The following SAMD12 variants were observed in gnomAD, a reference collection of about 807,000 sequenced individuals.
The protein encoded by SAMD12 is sterile alpha motif domain containing 12, also known as sterile alpha motif domain-containing protein 12.
In SAMD12, 9 loss-of-function variants were observed where a neutral mutation model predicts 15.0. The ratio of observed to expected loss-of-function variants is 0.60; its 90% CI spans 0.36 to 1.05. The LOEUF is 1.05. Among genes scored for constraint, SAMD12 ranks in the 50% least tolerant of loss-of-function variants. The probability of loss-of-function intolerance (pLI) is 0.01; values close to 1 mark genes in which losing one functional copy is unlikely to be tolerated. For missense variants in SAMD12, 230 were observed against 234.2 expected (o/e 0.98, Z 0.12); for synonymous variants, 86 against 90.1 (o/e 0.96, Z 0.25).
chr8:118,537,560 A>G (rs2131140448), intron 2 of SAMD12, among the ~76,000 whole-genome samples: 1 of 152,306 alleles, frequency 6.6e-6, no homozygotes, highest in African/African-American at 2.4e-5. Context: ...TCTGCTGTTA[A>G]GGGACACTGA....
chr8:118,536,529 T>A (rs1825850589), intron 2 of SAMD12, among the ~76,000 whole-genome samples: 2 of 151,832 alleles, frequency 1.3e-5, no homozygotes, highest in African/African-American at 2.4e-5. Flanking sequence ...CTGATGCGTG[T>A]TGTATGTTTT....
At chr8:118,337,592 T>C (rs1317925224) in intron 4 of SAMD12, among the ~76,000 whole-genome samples, 2 of 152,218 alleles carry the variant, frequency 1.3e-5, no homozygotes, top group Non-Finnish European at 2.9e-5. Context: ...CTAAAGGACA[T>C]GATAAAATCT....
At chr8:118,563,660 G>T (rs1257042312) in intron 2 of SAMD12, among the ~76,000 whole-genome samples, 1 of 152,168 alleles carries the variant, frequency 6.6e-6, no homozygotes, top group East Asian at 1.9e-4. Context: ...GACTGAGAAG[G>T]AAAAATTCCA....
intron 4 of SAMD12, chr8:118,284,317 C>T (rs748086583): frequency 4.4e-5 from 20 of 456,154 alleles, no homozygotes; most frequent in Non-Finnish European, 2.6e-5. Context: ...GGGATGGCTT[C>T]ATAACTTCCC....
intron 4 of SAMD12, among the ~76,000 whole-genome samples, chr8:118,349,437 A>G (rs913964495): frequency 1.3e-5 from 2 of 152,214 alleles, no homozygotes; most frequent in Admixed American, 1.3e-4. Context: ...AGAACTTTGA[A>G]AGGGCTTGGT....
At chr8:118,536,483 C>CACACACACACACAT (rs1360675480) in intron 2 of SAMD12, among the ~76,000 whole-genome samples, 6 of 150,298 alleles carry the variant, frequency 4.0e-5, no homozygotes, top group African/African-American at 9.8e-5. Flanking sequence ...CACACACACA[C>CACACACACACACAT]ATAAATGGAT....
Position 118,340,495 on chromosome 8 carries a change from G to A in SAMD12, c.433+39065C>T, listed in dbSNP as rs182394834. Among the ~76,000 whole-genome samples, 914 of 152,124 alleles carry A rather than the reference G, an allele frequency of 6.0e-3. 9 individuals carry two copies. Among genetic ancestry groups the A allele is most frequent in the Middle Eastern group, 0.044 (13 of 294 alleles). ...TTAATATTTTAATTCCCTGCCAGGC[G>A]CAGTGGCTCATGCCTGTAATCCCAG... On this transcript the variant is annotated intron_variant, in intron 4 of 4. Transcript: ENST00000409003.
chr8:118,213,410 G>A (rs1811884370), intron 4 of SAMD12, among the ~76,000 whole-genome samples: 2 of 152,142 alleles, frequency 1.3e-5, no homozygotes, highest in Admixed American at 1.3e-4. Context: ...CCACATGGAG[G>A]GCAACTGAGG....
intron 4 of SAMD12, among the ~76,000 whole-genome samples, chr8:118,264,034 C>G (rs1813143258): frequency 6.6e-6 from 1 of 152,062 alleles, no homozygotes; most frequent in African/African-American, 2.4e-5. Flanking sequence ...TCTGTTGTTT[C>G]TAAACATAAG....
At chr8:118,612,706 A>G (rs1341478577) in intron 1 of SAMD12, among the ~76,000 whole-genome samples, 3 of 152,188 alleles carry the variant, frequency 2.0e-5, no homozygotes, top group South Asian at 4.1e-4. Flanking sequence ...TGTAAATCCA[A>G]CTCCTAGCTA....
rs545150809 is a variant in SAMD12, at chr8:118,409,137, G to C, written c.323-29437C>G. 2.6e-5 allele frequency among the ~76,000 whole-genome samples: 4 copies of C among 152,206 alleles called. No homozygotes were observed. In the South Asian group the frequency reaches 6.2e-4, roughly 24 times the overall value. On this transcript the variant is annotated intron_variant, in intron 3 of 3. Transcript: ENST00000314727. ...AGAAATCAAGATGAAGTTACAAATG[G>C]GAAGGGTGTGGAGGGGAGGAAAAAC...
intron 2 of SAMD12, among the ~76,000 whole-genome samples, chr8:118,443,017 T>C (rs1822804989): frequency 6.6e-6 from 1 of 152,188 alleles, no homozygotes; most frequent in Non-Finnish European, 1.5e-5. Flanking sequence ...CAGCCCACCA[T>C]GTATGCTTTT....
At chr8:118,177,591 T>C in the SAMD12 span, among the ~76,000 whole-genome samples, 1 of 152,124 alleles carries the variant, frequency 6.6e-6, no homozygotes. Context: ...CGGTGGCTCA[T>C]AGATGGGTGT....
At chr8:118,554,751 G>T (rs1826473775) in intron 2 of SAMD12, among the ~76,000 whole-genome samples, 1 of 151,916 alleles carries the variant, frequency 6.6e-6, no homozygotes. Context: ...TATGATATGG[G>T]TGGGTCTCGC....
chr8:118,224,652 A>C (rs533459137), intron 4 of SAMD12, among the ~76,000 whole-genome samples: 2 of 152,348 alleles, frequency 1.3e-5, no homozygotes, highest in African/African-American at 4.8e-5. Flanking sequence ...GGGATTTATA[A>C]ATTTTAAAAC....
At position 118,518,791 on chromosome 8, in the gene SAMD12, T is replaced by G. The variant is rs936360688; in HGVS notation, c.192+61924A>C. Reference sequence around the variant, plus strand: ...TCAAGCATGATTAAGTACCACCAGGTCTTTCTGAGATATCCAAACTAAGAT... The same window carrying G: ...TCAAGCATGATTAAGTACCACCAGGGCTTTCTGAGATATCCAAACTAAGAT... On this transcript the variant is annotated intron_variant, in intron 2 of 3. Coordinates refer to ENST00000314727, the MANE Select transcript of SAMD12 (RefSeq NM_207506.3). Among the ~76,000 whole-genome samples, 3 of 152,168 alleles carry G rather than the reference T, an allele frequency of 2.0e-5. 1 individual carries two copies. Among genetic ancestry groups the G allele is most frequent in the African/African-American group, 2.4e-5 (1 of 41,440 alleles).
At chr8:118,143,541 G>A in the SAMD12 span, among the ~76,000 whole-genome samples, 1 of 152,162 alleles carries the variant, frequency 6.6e-6, no homozygotes, top group Admixed American at 6.5e-5. Flanking sequence ...TTAGGGAGTT[G>A]CAAGCATGCC....
chr8:118,210,716 G>A (rs184278263), intron 4 of SAMD12, among the ~76,000 whole-genome samples: 3 of 152,162 alleles, frequency 2.0e-5, no homozygotes, highest in East Asian at 1.9e-4. Flanking sequence ...TGTCTTACAC[G>A]GCCCTACCCT....
chr8:118,522,207 C>A (rs1309506747), intron 2 of SAMD12, among the ~76,000 whole-genome samples: 7 of 101,156 alleles, frequency 6.9e-5, no homozygotes, highest in African/African-American at 2.6e-4. Flanking sequence ...CATACACACA[C>A]ACACACACGA....
Sources: gnomAD v4.1 joint callset for allele counts (sites outside exome capture counted in the v4.1 genomes callset) on GRCh38, gnomAD v4.1.1 for gene constraint, MANE v1.5 for transcripts, NCBI Gene and HGNC (gene_info 2026-07-23, HGNC 2026-07-21) for gene names.